Variants in DMD observed in about 807,000 individuals in gnomAD.
DMD encodes dystrophin.
DMD carries 63 observed loss-of-function variants against 330.1 expected under a neutral mutation model. That is an observed-to-expected ratio of 0.19 (90% CI 0.16 to 0.24). The LOEUF (loss-of-function observed/expected upper bound fraction) is 0.24. Among genes scored for constraint, DMD ranks in the 10% least tolerant of loss-of-function variants. The probability of loss-of-function intolerance (pLI) is 1.00; values close to 1 mark genes in which losing one functional copy is unlikely to be tolerated. For missense variants in DMD, 3,344 were observed against 2,684.1 expected, an observed-to-expected ratio of 1.25 and a Z score of -5.43; for synonymous variants, 1,223 against 959.8, an observed-to-expected ratio of 1.27 and a Z score of -5.07.
At chrX:32,820,105 C>T (rs2078109803) in intron 5 of DMD, among the ~76,000 whole-genome samples, 1 of 111,820 alleles carries the variant, frequency 8.9e-6, no homozygotes, top group Non-Finnish European at 1.9e-5. Context: ...AAAAGCATTC[C>T]TTCTGATATT....
intron 41 of DMD, among the ~76,000 whole-genome samples, chrX:32,331,499 T>C (rs184712300): frequency 9.9e-4 from 111 of 111,762 alleles, no homozygotes; most frequent in African/African-American, 3.4e-3. Flanking sequence ...ATATTAATCA[T>C]AGATTTTGCA....
At chrX:32,245,560 C>T (rs1412715752) in intron 43 of DMD, among the ~76,000 whole-genome samples, 54 of 85,079 alleles carry the variant, frequency 6.3e-4, no homozygotes, top group Non-Finnish European at 1.0e-3. Context: ...GGCAGTATGG[C>T]CATTTTCACG....
chrX:32,848,819 A>G (rs2080898586), intron 3 of DMD, among the ~76,000 whole-genome samples: 1 of 111,680 alleles, frequency 9.0e-6, no homozygotes, highest in African/African-American at 3.3e-5. Context: ...AAAGAAATAC[A>G]GGCAAGTAAA....
At chrX:33,020,268 A>C in intron 1 of DMD, 68 bp from the exon 2 acceptor site, 2 of 778,272 alleles carry the variant, frequency 2.6e-6, no homozygotes, top group Non-Finnish European at 3.8e-6. Context: ...TTTACAACCA[A>C]AGTAACTTTC....
At chrX:33,121,453 G>A (rs911789896) in intron 1 of DMD, among the ~76,000 whole-genome samples, 3 of 111,075 alleles carry the variant, frequency 2.7e-5, no homozygotes, top group Non-Finnish European at 3.8e-5. Context: ...GGCAGGTCTC[G>A]ACATCCTGAC....
At chrX:32,823,042 T>A (rs761070953) in intron 5 of DMD, among the ~76,000 whole-genome samples, 6 of 111,824 alleles carry the variant, frequency 5.4e-5, no homozygotes, top group Non-Finnish European at 1.1e-4. Flanking sequence ...TGATTGGGAC[T>A]TTGTATTTTT....
At chrX:31,864,023 C>G (rs1229011144) in intron 48 of DMD, among the ~76,000 whole-genome samples, 1 of 110,978 alleles carries the variant, frequency 9.0e-6, no homozygotes, top group Non-Finnish European at 1.9e-5. Flanking sequence ...TTGGATTCCA[C>G]GGGATACATT....
At chrX:31,298,694 C>T (rs1412300157) in intron 62 of DMD, among the ~76,000 whole-genome samples, 6 of 112,005 alleles carry the variant, frequency 5.4e-5, no homozygotes, top group Admixed American at 4.7e-4. Flanking sequence ...TACAGACTCT[C>T]TTCATCCACG....
intron 43 of DMD, among the ~76,000 whole-genome samples, chrX:32,248,164 C>G (rs2097249124): frequency 9.0e-6 from 1 of 111,533 alleles, no homozygotes; most frequent in African/African-American, 3.3e-5. Context: ...TATTATCAAA[C>G]AGCCCCAAAC....
chrX:31,591,062 A>T (rs1176260685), intron 55 of DMD, among the ~76,000 whole-genome samples: 2 of 111,916 alleles, frequency 1.8e-5, no homozygotes, highest in African/African-American at 6.5e-5. Context: ...TAAGAGTAAA[A>T]CTTACCAGAT....
intron 62 of DMD, among the ~76,000 whole-genome samples, chrX:31,296,153 C>A (rs2054171040): frequency 9.0e-6 from 1 of 111,094 alleles, no homozygotes; most frequent in African/African-American, 3.3e-5. Context: ...GATAGGAAAT[C>A]TCTTTTCTGA....
At chrX:32,100,567 G>A (rs2096535137) in intron 44 of DMD, among the ~76,000 whole-genome samples, 1 of 110,548 alleles carries the variant, frequency 9.0e-6, no homozygotes, top group Admixed American at 9.7e-5. Flanking sequence ...TTTGTCTTCA[G>A]CTGCAATGAG....
At chrX:31,412,186 C>CA (rs764012481) in intron 60 of DMD, among the ~76,000 whole-genome samples, 2,125 of 43,568 alleles carry the variant, frequency 0.049, 148 homozygotes, top group African/African-American at 0.13. Flanking sequence ...ACTCTTGTCT[C>CA]AAAAAAAAAA....
chrX:32,012,097 A>G (rs2095713660), intron 44 of DMD, among the ~76,000 whole-genome samples: 1 of 112,106 alleles, frequency 8.9e-6, no homozygotes, highest in Non-Finnish European at 1.9e-5. Flanking sequence ...TGTGATGGCC[A>G]TTGCCTTTTC....
intron 44 of DMD, among the ~76,000 whole-genome samples, chrX:32,010,183 G>A (rs1023445187): frequency 1.8e-5 from 2 of 111,789 alleles, no homozygotes; most frequent in African/African-American, 6.5e-5. Flanking sequence ...GATAATGAAT[G>A]TTGTGCGCAT....
chrX:32,332,110 G>A (rs775784379), intron 41 of DMD, among the ~76,000 whole-genome samples: 6 of 110,980 alleles, frequency 5.4e-5, no homozygotes, highest in Admixed American at 9.6e-5. Context: ...TTCTTAACAC[G>A]CACAAGAAAT....
At chrX:33,034,329 A>T (rs2094170067) in intron 1 of DMD, among the ~76,000 whole-genome samples, 1 of 111,796 alleles carries the variant, frequency 8.9e-6, no homozygotes, top group African/African-American at 3.2e-5. Context: ...AACGAATTAT[A>T]AAGGGAATGG....
At chrX:31,293,163 G>GGTGTGTGT (rs762778210) in intron 62 of DMD, among the ~76,000 whole-genome samples, 1,155 of 70,543 alleles carry the variant, frequency 0.016, 102 homozygotes, top group African/African-American at 0.093. Context: ...CCCCCAACCC[G>GGTGTGTGT]GTGTGTGTGT....
intron 9 of DMD, among the ~76,000 whole-genome samples, chrX:32,671,239 C>G (rs1176447197): frequency 7.2e-5 from 8 of 110,493 alleles, no homozygotes; most frequent in African/African-American, 1.6e-4. Context: ...GTATCTCTCT[C>G]CATTATTTAG....
Sources: allele counts gnomAD v4.1 joint callset (sites outside exome capture counted in the v4.1 genomes callset), GRCh38; gene constraint gnomAD v4.1.1; transcripts MANE v1.5; gene names NCBI Gene and HGNC (gene_info 2026-07-23, HGNC 2026-07-21).